The following INPP5A variants were observed in gnomAD, a reference collection of about 807,000 sequenced individuals.
INPP5A encodes the protein inositol polyphosphate-5-phosphatase A.
A neutral mutation model predicts 65.2 loss-of-function variants in INPP5A; 14 were observed. The observed-to-expected ratio is 0.21, with a 90% CI of 0.14 to 0.34. The LOEUF (loss-of-function observed/expected upper bound fraction) is 0.34. Ranked by LOEUF, INPP5A falls within the 10% of genes least tolerant of loss-of-function variation. The pLI is 1.00. For missense variants in INPP5A, 431 were observed against 545.6 expected (o/e 0.79, Z 2.09); for synonymous variants, 207 against 208.3 (o/e 0.99, Z 0.05).
intron 1 of INPP5A, among the ~76,000 whole-genome samples, chr10:132,548,191 A>G (rs1041487958): frequency 2.6e-5 from 4 of 151,620 alleles, no homozygotes; most frequent in African/African-American, 9.7e-5. Context: ...TGGTGTCTTT[A>G]TTCGGGTTCT....
intron 6 of INPP5A, among the ~76,000 whole-genome samples, chr10:132,708,045 C>T (rs534737794): frequency 6.6e-6 from 1 of 152,314 alleles, no homozygotes; most frequent in South Asian, 2.1e-4. Context: ...ATGGGGCTCA[C>T]AGGCGGCAGG....
chr10:132,720,927 G>C (rs1289585739), intron 8 of INPP5A, among the ~76,000 whole-genome samples: 3 of 151,156 alleles, frequency 2.0e-5, no homozygotes, highest in Non-Finnish European at 4.4e-5. Context: ...CGGGTTCTGT[G>C]GTGCCTGGGT....
At chr10:132,561,438 C>T (rs1406268582) in intron 1 of INPP5A, among the ~76,000 whole-genome samples, 1 of 151,516 alleles carries the variant, frequency 6.6e-6, no homozygotes, top group Non-Finnish European at 1.5e-5. Flanking sequence ...TGTCTCGGTA[C>T]CATTTTTGAA....
intron 1 of INPP5A, among the ~76,000 whole-genome samples, chr10:132,578,761 AG>A (rs1388865032): frequency 6.8e-6 from 1 of 146,786 alleles, no homozygotes; most frequent in Admixed American, 6.7e-5. Flanking sequence ...GAGAGTGTGC[AG>A]GGGCTGGGTC....
intron 2 of INPP5A, among the ~76,000 whole-genome samples, chr10:132,642,128 C>G (rs1407652147): frequency 1.3e-5 from 2 of 152,130 alleles, no homozygotes; most frequent in Non-Finnish European, 2.9e-5. Flanking sequence ...CTGGGAACAG[C>G]CTGGAGCTCG....
chr10:132,692,555 C>T (rs529963425), intron 5 of INPP5A, among the ~76,000 whole-genome samples: 156 of 152,238 alleles, frequency 1.0e-3, no homozygotes, highest in African/African-American at 3.6e-3. Context: ...CAGGAGATTC[C>T]TTATAGGCGA....
intron 4 of INPP5A, among the ~76,000 whole-genome samples, chr10:132,653,836 G>A (rs563964976): frequency 1.2e-4 from 19 of 152,274 alleles, no homozygotes; most frequent in Admixed American, 5.9e-4. Context: ...GGAGCACGGC[G>A]CCCCCCGTCA....
chr10:132,771,103 A>G (rs951671379), intron 12 of INPP5A, among the ~76,000 whole-genome samples: 1 of 152,184 alleles, frequency 6.6e-6, no homozygotes, highest in Non-Finnish European at 1.5e-5. Flanking sequence ...TCTGTCTGTC[A>G]ATCTTTCTGG....
In INPP5A at chr10:132,753,258, G is replaced by C. The variant is rs1289909029; in HGVS notation, c.903+3413G>C. Among the ~76,000 whole-genome samples, 1 of 152,172 alleles carries C rather than the reference G, an allele frequency of 6.6e-6. No homozygotes were observed. The highest frequency in any genetic ancestry group is 2.4e-5 in the African/African-American group (1 of 41,450). ...ACGGAGGGTCAAGGTGGTCGGACGG[G>C]GAGCCTGGGGAGATAATCCCATCTC... On this transcript the variant is annotated intron_variant, in intron 11 of 15. Coordinates refer to ENST00000368594, the MANE Select transcript of INPP5A (RefSeq NM_005539.5). The surrounding 1 kb of genome is among the most constrained non-coding windows in gnomAD (Gnocchi z 5.3).
chr10:132,586,866 A>C (rs1030298272), intron 1 of INPP5A, among the ~76,000 whole-genome samples: 3 of 152,352 alleles, frequency 2.0e-5, no homozygotes, highest in Admixed American at 2.0e-4. Flanking sequence ...CCTGCGCGTC[A>C]GAAGGCGGCG....
intron 8 of INPP5A, among the ~76,000 whole-genome samples, chr10:132,720,929 T>C (rs1217099657): frequency 1.3e-5 from 2 of 150,380 alleles, no homozygotes; most frequent in East Asian, 2.0e-4. Context: ...GGTTCTGTGG[T>C]GCCTGGGTTC....
At chr10:132,623,208 T>G (rs935719615) in intron 2 of INPP5A, among the ~76,000 whole-genome samples, 2 of 152,090 alleles carry the variant, frequency 1.3e-5, no homozygotes, top group Non-Finnish European at 2.9e-5. Context: ...AGTAAAAACA[T>G]ACTAATGTTT....
chr10:132,730,593 G>A (rs148030950), intron 9 of INPP5A, among the ~76,000 whole-genome samples: 53 of 152,332 alleles, frequency 3.5e-4, no homozygotes, highest in Middle Eastern at 6.8e-3. Flanking sequence ...CCTGGCCATC[G>A]AAGCGTCAGA....
At chr10:132,608,097 G>A (rs2133341255) in intron 2 of INPP5A, 141 bp downstream of exon 2, 2 of 745,170 alleles carry the variant, frequency 2.7e-6, no homozygotes, top group East Asian at 2.5e-5. Context: ...CGGCTCCGCT[G>A]CCTGTGCTGG....
At position 132,706,158 on chromosome 10, in the gene INPP5A, A is replaced by G. The variant is rs1427617527; in HGVS notation, c.475-2155A>G. 6.6e-5 allele frequency among the ~76,000 whole-genome samples: 10 copies of G among 152,234 alleles called. No individual in the cohort carries two copies. Among genetic ancestry groups the G allele is most frequent in the Non-Finnish European group, 1.3e-4 (9 of 68,036 alleles). On this transcript the variant is annotated intron_variant, in intron 6 of 15. Coordinates refer to ENST00000368594, the MANE Select transcript of INPP5A (RefSeq NM_005539.5). The surrounding 1 kb of genome is among the most constrained non-coding windows in gnomAD (Gnocchi z 4.7). ...AAAGAGAGAATCAGAGAATTAGACAATGTCATTAAGGAGTTCATCTAAACA... is the reference window on the plus strand; with the variant it reads ...AAAGAGAGAATCAGAGAATTAGACAGTGTCATTAAGGAGTTCATCTAAACA...
chr10:132,588,430 A>G (rs1002437339), intron 1 of INPP5A, among the ~76,000 whole-genome samples: 3 of 152,254 alleles, frequency 2.0e-5, no homozygotes, highest in Admixed American at 2.0e-4. Flanking sequence ...ATTTGGTGGA[A>G]GGCCCAGTCG....
At chr10:132,661,228 C>T (rs1172912249) in intron 4 of INPP5A, among the ~76,000 whole-genome samples, 1 of 152,154 alleles carries the variant, frequency 6.6e-6, no homozygotes, top group African/African-American at 2.4e-5. Context: ...ACTGAATTGC[C>T]TACATTGAAA....
At chr10:132,687,605 A>C (rs183147841) in intron 4 of INPP5A, among the ~76,000 whole-genome samples, 3 of 152,334 alleles carry the variant, frequency 2.0e-5, no homozygotes, top group African/African-American at 7.2e-5. Flanking sequence ...TCCCCTAGAC[A>C]GAAGGTCCCT....
At chr10:132,566,802 A>C (rs2071280124) in intron 1 of INPP5A, among the ~76,000 whole-genome samples, 1 of 152,240 alleles carries the variant, frequency 6.6e-6, no homozygotes. Flanking sequence ...CAGTTGTGTA[A>C]TATACTTTCA....
Sources: allele counts gnomAD v4.1 joint callset (sites outside exome capture counted in the v4.1 genomes callset), GRCh38; gene constraint gnomAD v4.1.1; non-coding constraint Gnocchi (gnomAD v3.1); transcripts MANE v1.5; gene names NCBI Gene and HGNC (gene_info 2026-07-23, HGNC 2026-07-21).